FIBCD1: variants seen among roughly 807,000 people sequenced by gnomAD.
FIBCD1 encodes the protein fibrinogen C domain containing 1, also known as fibrinogen C domain-containing protein 1.
A neutral mutation model predicts 45.1 loss-of-function variants in FIBCD1; 47 were observed. The observed-to-expected ratio is 1.04, with a 90% CI of 0.82 to 1.33. The LOEUF is 1.33. Ranked by LOEUF, FIBCD1 falls within the 40% of genes most tolerant of loss-of-function variation. The pLI is 0.00. For synonymous variants in FIBCD1, 313 were observed against 308.1 expected (o/e 1.02, Z -0.17); for missense variants, 653 against 682.2 (o/e 0.96, Z 0.48).
chr9:130,927,386 A>G (rs1832378924), intron 2 of FIBCD1, among the ~76,000 whole-genome samples: 1 of 152,240 alleles, frequency 6.6e-6, no homozygotes, highest in Admixed American at 6.5e-5. Flanking sequence ...CCCACGTGAC[A>G]GAGCCAGCCA....
At chr9:130,937,073 T>C (rs1832529974) in intron 1 of FIBCD1, among the ~76,000 whole-genome samples, 1 of 152,150 alleles carries the variant, frequency 6.6e-6, no homozygotes, top group African/African-American at 2.4e-5. Flanking sequence ...GGCCCAGGGT[T>C]GGCAAATAAC....
chr9:130,902,862 G>A lies in FIBCD1; in HGVS notation c.*1202C>T, dbSNP rs568481756. The A allele has an allele frequency of 6.6e-6, 1 of 152,570 alleles. No individual in the cohort carries two copies. Among genetic ancestry groups the A allele is most frequent in the African/African-American group, 2.4e-5 (1 of 41,598 alleles). 9.5% of individuals were successfully genotyped at this position (152,570 alleles called of 1,614,324 possible). Reference sequence around the variant, plus strand: ...ACCTCTGCATGTGTGCACACAAGGAGTGGGGATGACAGCGTGCTGGGTGTT... The same window carrying A: ...ACCTCTGCATGTGTGCACACAAGGAATGGGGATGACAGCGTGCTGGGTGTT... On this transcript the variant is annotated 3_prime_UTR_variant, in exon 7 of 7. Coordinates refer to ENST00000372338, the MANE Select transcript of FIBCD1 (RefSeq NM_032843.5).
chr9:130,923,637 C>T, intron 4 of FIBCD1, 107 bp downstream of exon 4: 1 of 1,486,156 alleles, frequency 6.7e-7, no homozygotes, highest in Non-Finnish European at 9.0e-7. Flanking sequence ...TCCACAGATC[C>T]ATGGTGGAGG....
At chr9:130,913,463 ATGCTCTGAGCCC>A (rs36217501) in intron 4 of FIBCD1, among the ~76,000 whole-genome samples, 80,668 of 151,690 alleles carry the variant, frequency 0.53, 23,546 homozygotes, top group African/African-American at 0.78. Flanking sequence ...GCGTTTGCCA[ATGCTCTGAGCCC>A]TGCTCTGAGC....
At chr9:130,905,519 G>A in intron 5 of FIBCD1, 106 bp from the exon 6 acceptor site, 2 of 1,210,528 alleles carry the variant, frequency 1.7e-6, no homozygotes, top group East Asian at 2.6e-5. Flanking sequence ...GGGACAGAAA[G>A]GGACAACCAC....
intron 1 of FIBCD1, among the ~76,000 whole-genome samples, chr9:130,935,257 G>A: frequency 6.6e-6 from 1 of 152,220 alleles, no homozygotes; most frequent in African/African-American, 2.4e-5. Context: ...CCTGTAGGGT[G>A]GCTTGGAGAC....
At chr9:130,935,510 T>C (rs1317843826) in intron 1 of FIBCD1, among the ~76,000 whole-genome samples, 1 of 152,030 alleles carries the variant, frequency 6.6e-6, no homozygotes, top group Non-Finnish European at 1.5e-5. Context: ...CGACAAAGAG[T>C]AGCTGAGGCT....
At chr9:130,931,416 C>G (rs980885600) in intron 1 of FIBCD1, among the ~76,000 whole-genome samples, 1 of 152,020 alleles carries the variant, frequency 6.6e-6, no homozygotes, top group South Asian at 2.1e-4. Flanking sequence ...GGCTGAGGCA[C>G]GAGAATTCCT....
chr9:130,940,046 C>G (rs912975324), upstream of FIBCD1, among the ~76,000 whole-genome samples: 3 of 152,130 alleles, frequency 2.0e-5, no homozygotes, highest in African/African-American at 7.2e-5. Flanking sequence ...TGTTTTCCGG[C>G]TCCCGGGGCG....
At chr9:130,931,117 T>C (rs1394626523) in intron 1 of FIBCD1, among the ~76,000 whole-genome samples, 2 of 152,024 alleles carry the variant, frequency 1.3e-5, no homozygotes, top group African/African-American at 4.8e-5. Context: ...CTGGGCCAGG[T>C]AGCCCTAAGG....
intron 4 of FIBCD1, among the ~76,000 whole-genome samples, chr9:130,913,425 G>T (rs998717501): frequency 3.3e-5 from 5 of 152,244 alleles, no homozygotes. Flanking sequence ...CCGGATGCCC[G>T]GTCTGACCCG....
In FIBCD1 at chr9:130,905,394, G is replaced by C; in HGVS notation, c.966C>G (p.Ala322=). The part of the protein sequence containing the change: ...EHWLGLKRIH[A]LTTQAAYELH... ...GCTCGTAGGCAGCCTGTGTGGTCAG[G>C]GCGTGGATCCTCTTGAGCCCTGAAG... Residue 322 remains alanine, a synonymous_variant, in exon 6 of 7, where the codon GCC becomes GCG. Transcript: ENST00000372338. The C allele has an allele frequency of 6.2e-7, 1 of 1,613,458 alleles. No individual in the cohort carries two copies. Among genetic ancestry groups the C allele is most frequent in the Non-Finnish European group, 8.5e-7 (1 of 1,179,670 alleles).
At position 130,926,274 on chromosome 9, in the gene FIBCD1, T is replaced by C. The variant is rs2133111283; in HGVS notation, c.553-1878A>G. 6.6e-6 allele frequency among the ~76,000 whole-genome samples: 1 copy of C among 152,312 alleles called. No homozygotes were observed. The highest frequency in any genetic ancestry group is 2.1e-4 in the South Asian group (1 of 4,828). The stretch of plus-strand genomic sequence containing the variant: ...AAAAACTCAGGCACGGCCTCCTCCC[T>C]CTTGCTAACGGGCAGGGAAGACCTC... On this transcript the variant is annotated intron_variant, in intron 2 of 6. Transcript: ENST00000372338. The surrounding 1 kb of genome is among the most constrained non-coding windows in gnomAD (Gnocchi z 4.1).
intron 4 of FIBCD1, among the ~76,000 whole-genome samples, chr9:130,921,992 T>C (rs922478172): frequency 2.0e-5 from 3 of 152,214 alleles, no homozygotes; most frequent in Non-Finnish European, 4.4e-5. Flanking sequence ...CGGCCGCCTG[T>C]GCGGGCCTCC....
chr9:130,919,535 A>C (rs1832222372), intron 4 of FIBCD1, among the ~76,000 whole-genome samples: 2 of 152,182 alleles, frequency 1.3e-5, no homozygotes, highest in Non-Finnish European at 2.9e-5. Context: ...GGAGCTCTTC[A>C]TCCCTCCCTG....
intron 1 of FIBCD1, among the ~76,000 whole-genome samples, chr9:130,935,166 T>G (rs1832500125): frequency 6.6e-6 from 1 of 152,210 alleles, no homozygotes; most frequent in Admixed American, 6.5e-5. Flanking sequence ...AAAGAGATTT[T>G]CTTTCTTCCT....
rs915394094 is a variant in FIBCD1, at chr9:130,922,979, C to T, written c.849+765G>A. ...CCTCTGCTACAGTGACTTCTTCCGC[C>T]CCCAATGCCCCCTGGCGTGTAAATT... On this transcript the variant is annotated intron_variant, in intron 4 of 6. Coordinates refer to ENST00000372338, the MANE Select transcript of FIBCD1 (RefSeq NM_032843.5). This position sits in a 1 kb window ranked among gnomAD's most constrained non-coding sequence, Gnocchi z 4.5. Among the ~76,000 whole-genome samples the T allele has an allele frequency of 6.6e-6, 1 of 152,202 alleles. No homozygotes were observed. Among genetic ancestry groups the T allele is most frequent in the African/African-American group, 2.4e-5 (1 of 41,452 alleles).
intron 5 of FIBCD1, among the ~76,000 whole-genome samples, chr9:130,909,368 C>T (rs145012069): frequency 7.9e-5 from 12 of 152,288 alleles, no homozygotes; most frequent in African/African-American, 1.9e-4. Flanking sequence ...CATTCGAGGC[C>T]GCCCAGATGA....
intron 4 of FIBCD1, among the ~76,000 whole-genome samples, chr9:130,921,346 A>G (rs1272206590): frequency 6.6e-6 from 1 of 152,240 alleles, no homozygotes; most frequent in Non-Finnish European, 1.5e-5. Context: ...TGAGTTTCTG[A>G]CGGATTCCAT....
Sources: gnomAD v4.1 joint callset for allele counts (sites outside exome capture counted in the v4.1 genomes callset) on GRCh38, gnomAD v4.1.1 for gene constraint, Gnocchi (gnomAD v3.1) non-coding constraint, MANE v1.5 for transcripts, NCBI Gene and HGNC (gene_info 2026-07-23, HGNC 2026-07-21) for gene names.